CNTN4: variants seen among roughly 807,000 people sequenced by gnomAD.
CNTN4 encodes the protein contactin 4.
Under a neutral mutation model 122.5 loss-of-function variants are expected in CNTN4, and 77 were observed. The ratio of observed to expected loss-of-function variants is 0.63; its 90% CI spans 0.52 to 0.76. The LOEUF is 0.76. Ranked by LOEUF, CNTN4 falls within the 30% of genes least tolerant of loss-of-function variation. The probability of loss-of-function intolerance (pLI) is 0.00; values close to 1 mark genes in which losing one functional copy is unlikely to be tolerated. For missense variants in CNTN4, 1,256 were observed against 1,259.1 expected (o/e 1.00, Z 0.04); for synonymous variants, 512 against 447.0 (o/e 1.15, Z -1.83).
intron 14 of CNTN4, among the ~76,000 whole-genome samples, chr3:3,006,211 C>G (rs1335528522): frequency 6.6e-6 from 1 of 151,854 alleles, no homozygotes; most frequent in Non-Finnish European, 1.5e-5. Flanking sequence ...CTTTTGTTAT[C>G]TAAACGTACT....
chr3:2,131,746 T>C (rs994392113), intron 2 of CNTN4, among the ~76,000 whole-genome samples: 10 of 152,226 alleles, frequency 6.6e-5, no homozygotes, highest in African/African-American at 2.4e-4. Context: ...ATTTTAAGTT[T>C]ACCACCTGCT....
At chr3:2,897,887 G>C (rs1370001025) in intron 10 of CNTN4, among the ~76,000 whole-genome samples, 1 of 152,070 alleles carries the variant, frequency 6.6e-6, no homozygotes, top group East Asian at 1.9e-4. Context: ...AAATATAGTT[G>C]AACCTTGATA....
intron 5 of CNTN4, among the ~76,000 whole-genome samples, chr3:2,737,584 G>T (rs1183251047): frequency 6.6e-6 from 1 of 152,156 alleles, no homozygotes; most frequent in African/African-American, 2.4e-5. Flanking sequence ...TCAGTAAACT[G>T]GCAGGAAAGT....
At position 2,281,058 on chromosome 3, in the gene CNTN4, G is replaced by A. The variant is rs185323146; in HGVS notation, c.-144-58120G>A. On this transcript the variant is annotated intron_variant, in intron 2 of 24. Transcript: ENST00000418658. ...GAAACAGAGAGACTGCATACTAAAA[G>A]TTGGCTGTGACCTAACAAGCAAAGT... 9.0e-4 allele frequency among the ~76,000 whole-genome samples: 137 copies of A among 152,306 alleles called. 1 individual carries two copies. Among genetic ancestry groups the A allele is most frequent in the South Asian group, 2.3e-3 (11 of 4,828 alleles).
chr3:2,553,651 G>T (rs1039111348), intron 3 of CNTN4, among the ~76,000 whole-genome samples: 2 of 152,104 alleles, frequency 1.3e-5, no homozygotes, highest in African/African-American at 4.8e-5. Context: ...CAGTATTTTT[G>T]GGGGAGATGG....
intron 2 of CNTN4, among the ~76,000 whole-genome samples, chr3:2,161,797 T>C (rs1420124579): frequency 6.6e-6 from 1 of 152,168 alleles, no homozygotes; most frequent in East Asian, 1.9e-4. Flanking sequence ...GTGAGGTTTG[T>C]GTATGTTAGA....
At chr3:2,453,248 A>T (rs2048893234) in intron 3 of CNTN4, among the ~76,000 whole-genome samples, 2 of 152,156 alleles carry the variant, frequency 1.3e-5, no homozygotes, top group African/African-American at 4.8e-5. Flanking sequence ...ATCAAAAAAA[A>T]TGTCTGGAAT....
At chr3:2,356,199 C>T (rs926067701) in intron 3 of CNTN4, among the ~76,000 whole-genome samples, 38 of 151,992 alleles carry the variant, frequency 2.5e-4, no homozygotes, top group African/African-American at 8.7e-4. Flanking sequence ...AGAATGAATT[C>T]GAGAAGAGTC....
intron 6 of CNTN4, among the ~76,000 whole-genome samples, chr3:2,811,158 C>T (rs776402947): frequency 2.0e-5 from 3 of 151,924 alleles, no homozygotes; most frequent in Non-Finnish European, 1.5e-5. Context: ...ACCTGTAATC[C>T]CAGCACTTTG....
intron 4 of CNTN4, among the ~76,000 whole-genome samples, chr3:2,602,825 C>G (rs549229887): frequency 6.6e-6 from 1 of 152,262 alleles, no homozygotes; most frequent in Non-Finnish European, 1.5e-5. Flanking sequence ...TCTTCCTTAG[C>G]AAGTACAACC....
intron 2 of CNTN4, among the ~76,000 whole-genome samples, chr3:2,102,574 A>T (rs541474597): frequency 6.6e-6 from 1 of 152,194 alleles, no homozygotes; most frequent in Admixed American, 6.5e-5. Flanking sequence ...TCAAAGTGTG[A>T]TTCAGAGACC....
intron 2 of CNTN4, among the ~76,000 whole-genome samples, chr3:2,287,513 A>C (rs1482017599): frequency 6.6e-6 from 1 of 151,690 alleles, no homozygotes; most frequent in Non-Finnish European, 1.5e-5. Flanking sequence ...TGAGGTAGGA[A>C]GGTCACTGGT....
At chr3:2,275,138 CAG>C (rs1199773375) in intron 2 of CNTN4, among the ~76,000 whole-genome samples, 76 of 152,308 alleles carry the variant, frequency 5.0e-4, no homozygotes, top group Non-Finnish European at 1.8e-4. Context: ...GCCTGTTTAT[CAG>C]AGTCTGTCAC....
intron 13 of CNTN4, among the ~76,000 whole-genome samples, chr3:2,936,879 T>G (rs1196661530): frequency 6.6e-6 from 1 of 152,186 alleles, no homozygotes; most frequent in Non-Finnish European, 1.5e-5. Flanking sequence ...AATAAAGTTT[T>G]ACTGGACAGG....
intron 2 of CNTN4, among the ~76,000 whole-genome samples, chr3:2,137,579 T>G (rs2034757373): frequency 6.6e-6 from 1 of 152,194 alleles, no homozygotes; most frequent in Non-Finnish European, 1.5e-5. Context: ...ATTTGTGAGT[T>G]ATTGTATGTA....
rs111781386 is a variant in CNTN4 at position 2,990,859 on chromosome 3, G to A, written c.1486+2387G>A. On this transcript the variant is annotated intron_variant, in intron 14 of 24. Coordinates refer to ENST00000418658, the MANE Select transcript of CNTN4 (RefSeq NM_175607.3). Reference sequence around the variant, plus strand: ...CAAGTAAGTATAGGATATAGTTTTAGGCAGTTTACAGTTACAATTTTTTAA... The same window carrying A: ...CAAGTAAGTATAGGATATAGTTTTAAGCAGTTTACAGTTACAATTTTTTAA... Among the ~76,000 whole-genome samples, 361 of 152,224 alleles carry A rather than the reference G, an allele frequency of 2.4e-3. 2 individuals are homozygous for A. Among genetic ancestry groups the A allele is most frequent in the African/African-American group, 8.3e-3 (345 of 41,528 alleles).
chr3:2,449,240 A>G (rs1445808488), intron 3 of CNTN4, among the ~76,000 whole-genome samples: 4 of 152,196 alleles, frequency 2.6e-5, no homozygotes, highest in Non-Finnish European at 5.9e-5. Context: ...AACCACTGAT[A>G]GGTAAGTCAT....
intron 2 of CNTN4, among the ~76,000 whole-genome samples, chr3:2,258,043 A>G (rs1442316871): frequency 1.3e-5 from 2 of 152,192 alleles, no homozygotes; most frequent in Non-Finnish European, 2.9e-5. Flanking sequence ...AGCCTGGGCA[A>G]TAGAATGAGA....
chr3:2,970,546 A>C (rs1692800632), intron 13 of CNTN4, among the ~76,000 whole-genome samples: 1 of 151,994 alleles, frequency 6.6e-6, no homozygotes, highest in Non-Finnish European at 1.5e-5. Flanking sequence ...TGCTGGGCTC[A>C]AGCAATCCTG....
Sources: allele counts gnomAD v4.1 joint callset (sites outside exome capture counted in the v4.1 genomes callset), GRCh38; gene constraint gnomAD v4.1.1; transcripts MANE v1.5; gene names NCBI Gene and HGNC (gene_info 2026-07-23, HGNC 2026-07-21).